The following OSBP2 variants were observed in gnomAD, a reference collection of about 807,000 sequenced individuals.
The protein encoded by OSBP2 is oxysterol binding protein 2, also known as oxysterol-binding protein 2.
Under a neutral mutation model 96.0 loss-of-function variants are expected in OSBP2, and 66 were observed. The ratio of observed to expected loss-of-function variants is 0.69; its 90% CI spans 0.56 to 0.84. OSBP2 has a LOEUF of 0.84. Among genes scored for constraint, OSBP2 ranks in the 40% least tolerant of loss-of-function variants. OSBP2 has a pLI of 0.00. For synonymous variants in OSBP2, 525 were observed against 520.9 expected (o/e 1.01, Z -0.11); for missense variants, 1,038 against 1,222.7 (o/e 0.85, Z 2.25).
chr22:30,860,239 A>G (rs2039182470), intron 2 of OSBP2, among the ~76,000 whole-genome samples: 1 of 152,176 alleles, frequency 6.6e-6, no homozygotes, highest in African/African-American at 2.4e-5. Context: ...GCCTTCAGGC[A>G]GGAGTTTCTG....
At chr22:30,713,702 A>T (rs1009455161) in intron 1 of OSBP2, among the ~76,000 whole-genome samples, 12 of 152,106 alleles carry the variant, frequency 7.9e-5, no homozygotes, top group African/African-American at 2.9e-4. Context: ...GGCTCAAGTG[A>T]TCCTCCCATC....
intron 2 of OSBP2, among the ~76,000 whole-genome samples, chr22:30,778,335 C>CACACA (rs1569119589): frequency 1.2e-4 from 12 of 100,612 alleles, no homozygotes; most frequent in African/African-American, 4.7e-4. Flanking sequence ...ACACACACAC[C>CACACA]CACTGACAGC....
chr22:30,838,367 T>A (rs2038679290), intron 2 of OSBP2, among the ~76,000 whole-genome samples: 1 of 152,206 alleles, frequency 6.6e-6, no homozygotes, highest in Non-Finnish European at 1.5e-5. Context: ...CTGATTCATA[T>A]CTATGAAATA....
chr22:30,852,838 CTTTCA>C (rs2147063450), intron 2 of OSBP2, among the ~76,000 whole-genome samples: 1 of 152,196 alleles, frequency 6.6e-6, no homozygotes, highest in Admixed American at 6.5e-5. Flanking sequence ...ATTTTTTTAT[CTTTCA>C]TTTCAGAATG....
At chr22:30,775,195 C>T (rs2090414206) in intron 2 of OSBP2, among the ~76,000 whole-genome samples, 1 of 152,156 alleles carries the variant, frequency 6.6e-6, no homozygotes, top group South Asian at 2.1e-4. Context: ...CAGTGACTCC[C>T]CATTTCCTCT....
chr22:30,770,546 T>C (rs562226967), intron 2 of OSBP2: 2 of 152,278 alleles, frequency 1.3e-5, no homozygotes, highest in African/African-American at 4.8e-5. Context: ...TACTAATTAG[T>C]TTTTTAAAAA....
At chr22:30,774,625 C>G (rs1286857555) in intron 2 of OSBP2, among the ~76,000 whole-genome samples, 1 of 152,202 alleles carries the variant, frequency 6.6e-6, no homozygotes, top group African/African-American at 2.4e-5. Context: ...ACTCACCCAG[C>G]AGTAATGACA....
chr22:30,875,181 G>T (rs904445522), intron 3 of OSBP2, among the ~76,000 whole-genome samples: 1 of 152,028 alleles, frequency 6.6e-6, no homozygotes, highest in Non-Finnish European at 1.5e-5. Flanking sequence ...GCCCAGCCCC[G>T]AGGCCTCAGC....
intron 2 of OSBP2, among the ~76,000 whole-genome samples, chr22:30,753,750 G>C (rs1253309413): frequency 6.6e-6 from 1 of 152,214 alleles, no homozygotes; most frequent in Admixed American, 6.5e-5. Context: ...GTTATTATTG[G>C]ACTTATCCCC....
chr22:30,806,712 G>C (rs71331264), intron 2 of OSBP2, among the ~76,000 whole-genome samples: 4,626 of 152,160 alleles, frequency 0.03, 94 homozygotes, highest in Non-Finnish European at 0.048. Flanking sequence ...TGTTGCTGGT[G>C]GCTCTGTCAG....
At chr22:30,813,743 G>A (rs1440708068) in intron 2 of OSBP2, among the ~76,000 whole-genome samples, 1 of 151,816 alleles carries the variant, frequency 6.6e-6, no homozygotes, top group African/African-American at 2.4e-5. Context: ...GCCTTGTGTA[G>A]GGCAGTGGTG....
chr22:30,858,174 C>G (rs1346297046), intron 2 of OSBP2, among the ~76,000 whole-genome samples: 2 of 147,446 alleles, frequency 1.4e-5, no homozygotes, highest in African/African-American at 5.2e-5. Flanking sequence ...GAGTCTCGCT[C>G]TGTCGCCCAG....
Position 30,893,104 on chromosome 22 carries a change from C to G in OSBP2, c.1870-18C>G, listed in dbSNP as rs760008361. The stretch of plus-strand genomic sequence containing the variant: ...CTCATGTCTGGCAGATGCTCACATC[C>G]TATGGGTCTGGTCTCAGGTGAGCCA... On this transcript the variant is annotated intron_variant, in intron 8 of 13. Coordinates refer to ENST00000332585, the MANE Select transcript of OSBP2 (RefSeq NM_030758.4). 24 of 1,613,318 alleles carry G rather than the reference C, an allele frequency of 1.5e-5. No individual in the cohort carries two copies. In the African/African-American group the frequency reaches 2.5e-4, roughly 17 times the overall value.
intron 2 of OSBP2, among the ~76,000 whole-genome samples, chr22:30,753,077 C>G (rs1453572196): frequency 6.6e-6 from 1 of 152,128 alleles, no homozygotes; most frequent in African/African-American, 2.4e-5. Context: ...ATGGTTGTGG[C>G]ACTTCGAATT....
chr22:30,785,522 G>A (rs575768186), intron 2 of OSBP2, among the ~76,000 whole-genome samples: 61 of 149,162 alleles, frequency 4.1e-4, no homozygotes, highest in African/African-American at 1.5e-3. Context: ...AGCCAAGATC[G>A]CGCCATTGCA....
chr22:30,879,656 A>T (rs1602405878), intron 3 of OSBP2, among the ~76,000 whole-genome samples: 1 of 152,196 alleles, frequency 6.6e-6, no homozygotes, highest in Non-Finnish European at 1.5e-5. Context: ...TTGTGGCTCC[A>T]TGGGTCCCCA....
upstream of OSBP2, chr22:30,694,769 GCACGGA>G: frequency 3.5e-6 from 2 of 575,116 alleles, no homozygotes; most frequent in Non-Finnish European, 2.2e-6. Flanking sequence ...GCGCTGACGG[GCACGGA>G]GCGCACGGGA....
At chr22:30,864,574 T>C (rs1215233414) in intron 2 of OSBP2, among the ~76,000 whole-genome samples, 2 of 152,070 alleles carry the variant, frequency 1.3e-5, no homozygotes, top group African/African-American at 2.4e-5. Context: ...CCTTGCTGGG[T>C]ATGGGCTGTC....
intron 2 of OSBP2, among the ~76,000 whole-genome samples, chr22:30,794,935 G>T (rs2090736110): frequency 7.0e-6 from 1 of 143,336 alleles, no homozygotes; most frequent in African/African-American, 2.7e-5. Context: ...TTTTGAGACA[G>T]AGTCTCGCTC....
Sources: gnomAD v4.1 joint callset for allele counts (sites outside exome capture counted in the v4.1 genomes callset) on GRCh38, gnomAD v4.1.1 for gene constraint, MANE v1.5 for transcripts, NCBI Gene and HGNC (gene_info 2026-07-23, HGNC 2026-07-21) for gene names.